Variants in ZNF385B observed in about 807,000 individuals in gnomAD.
The protein encoded by ZNF385B is zinc finger protein 533.
Under a neutral mutation model 39.2 loss-of-function variants are expected in ZNF385B, and 23 were observed. The ratio of observed to expected loss-of-function variants is 0.59; its 90% CI spans 0.42 to 0.83. The LOEUF is 0.83. Among genes scored for constraint, ZNF385B ranks in the 40% least tolerant of loss-of-function variants. ZNF385B has a pLI of 0.00. For missense variants in ZNF385B, 552 were observed against 598.9 expected (o/e 0.92, Z 0.82); for synonymous variants, 205 against 222.6 (o/e 0.92, Z 0.70).
intron 3 of ZNF385B, among the ~76,000 whole-genome samples, chr2:179,633,055 T>C (rs1691390113): frequency 1.3e-5 from 2 of 152,324 alleles, no homozygotes; most frequent in South Asian, 4.1e-4. Context: ...ATTGAGGTAA[T>C]AATTGATAGC....
At chr2:179,774,797 T>A (rs1170840897) in intron 1 of ZNF385B, among the ~76,000 whole-genome samples, 1 of 152,236 alleles carries the variant, frequency 6.6e-6, no homozygotes, top group Non-Finnish European at 1.5e-5. Context: ...AAATCCCAAC[T>A]GTTTAGGACA....
intron 3 of ZNF385B, among the ~76,000 whole-genome samples, chr2:179,605,860 C>T (rs748950481): frequency 1.3e-5 from 2 of 152,050 alleles, no homozygotes; most frequent in Non-Finnish European, 2.9e-5. Context: ...AGGCAGTAGA[C>T]ACAATGAGAA....
chr2:179,458,369 GC>G lies in ZNF385B; in HGVS notation c.716-11600del, dbSNP rs1164056184. 7.1e-4 allele frequency among the ~76,000 whole-genome samples: 108 copies of G among 152,260 alleles called. 1 individual carries two copies. Among genetic ancestry groups the G allele is most frequent in the African/African-American group, 2.6e-3 (106 of 41,548 alleles). ...CATGACTTGCTCCTCCTTGCCTTCTGCCATGATTGTGAGTCCTCTCCAGCCA... is the reference window on the plus strand; with the variant it reads ...CATGACTTGCTCCTCCTTGCCTTCTGCATGATTGTGAGTCCTCTCCAGCCA... On this transcript the variant is annotated intron_variant, in intron 6 of 9. Coordinates refer to ENST00000410066, the MANE Select transcript of ZNF385B (RefSeq NM_152520.6).
chr2:179,505,470 T>A (rs1438955032), intron 5 of ZNF385B, among the ~76,000 whole-genome samples: 5 of 152,072 alleles, frequency 3.3e-5, no homozygotes, highest in African/African-American at 1.2e-4. Flanking sequence ...GCCAAAAAAA[T>A]TCATGACATA....
intron 1 of ZNF385B, among the ~76,000 whole-genome samples, chr2:179,780,672 T>A (rs1453259050): frequency 6.6e-6 from 1 of 152,210 alleles, no homozygotes; most frequent in African/African-American, 2.4e-5. Flanking sequence ...AAATTTTTTA[T>A]TCCAAACATC....
Position 179,806,791 on chromosome 2 carries a change from C to T in ZNF385B, c.-154-36119G>A, listed in dbSNP as rs138216339. 3.9e-5 allele frequency among the ~76,000 whole-genome samples: 6 copies of T among 152,290 alleles called. No individual in the cohort carries two copies. In the East Asian group the frequency reaches 1.2e-3, roughly 29 times the overall value. On this transcript the variant is annotated intron_variant, in intron 1 of 9. Coordinates refer to ENST00000410066, the MANE Select transcript of ZNF385B (RefSeq NM_152520.6). ...AGTTATCTGGCTTTTACATCCAGCT[C>T]TTAACCCAATACTATTATTGCCTCC...
rs1197942248 is a variant in ZNF385B, at chr2:179,779,989, T to C, written c.-154-9317A>G. 6.6e-5 allele frequency among the ~76,000 whole-genome samples: 10 copies of C among 152,128 alleles called. 1 individual carries two copies. In the South Asian group the frequency reaches 2.1e-3, roughly 31 times the overall value. On this transcript the variant is annotated intron_variant, in intron 1 of 9. Transcript: ENST00000410066. ...ATTCCCATCTCTAGAGATTCTGATT[T>C]AATTGGTCTGCTGCTGGGGTTGGAG...
intron 3 of ZNF385B, among the ~76,000 whole-genome samples, chr2:179,654,563 TA>T (rs2106256823): frequency 6.6e-6 from 1 of 152,276 alleles, no homozygotes; most frequent in Non-Finnish European, 1.5e-5. Flanking sequence ...TTAACTAAAA[TA>T]AATAGGAATG....
chr2:179,459,694 AAAT>A (rs2051102597), intron 6 of ZNF385B, among the ~76,000 whole-genome samples: 1 of 151,210 alleles, frequency 6.6e-6, no homozygotes, highest in East Asian at 1.9e-4. Context: ...TCTATTTATT[AAAT>A]AAAAAATGTG....
chr2:179,652,251 G>A (rs773401135), intron 3 of ZNF385B, among the ~76,000 whole-genome samples: 6 of 152,104 alleles, frequency 3.9e-5, no homozygotes, highest in Admixed American at 1.3e-4. Flanking sequence ...AATGAGTATG[G>A]TTCTAAAGTA....
intron 1 of ZNF385B, among the ~76,000 whole-genome samples, chr2:179,771,303 A>G (rs1575460945): frequency 6.6e-6 from 1 of 152,212 alleles, no homozygotes; most frequent in Admixed American, 6.5e-5. Context: ...AATTCGGAAA[A>G]GGTATGACCA....
chr2:179,572,805 T>C (rs1185758893), intron 3 of ZNF385B, among the ~76,000 whole-genome samples: 2 of 152,104 alleles, frequency 1.3e-5, no homozygotes, highest in East Asian at 3.9e-4. Flanking sequence ...GCCTGTGTGC[T>C]AGACTGTATG....
intron 3 of ZNF385B, among the ~76,000 whole-genome samples, chr2:179,730,278 A>G (rs983152969): frequency 1.3e-5 from 2 of 152,136 alleles, no homozygotes; most frequent in African/African-American, 4.8e-5. Context: ...TATTACCACC[A>G]CCTGTGAAGA....
rs145452946 is a variant in ZNF385B at position 179,639,495 on chromosome 2, C to T, written c.299-94526G>A. Among the ~76,000 whole-genome samples, 416 of 151,924 alleles carry T rather than the reference C, an allele frequency of 2.7e-3. 3 individuals carry two copies. The highest frequency in any genetic ancestry group is 9.4e-3 in the African/African-American group (389 of 41,442). On this transcript the variant is annotated intron_variant, in intron 3 of 9. Transcript: ENST00000410066. ...ATCATTTCACAATGTATACAGATAT[C>T]AAAATATAATATTGTACAAGTTACT...
intron 6 of ZNF385B, among the ~76,000 whole-genome samples, chr2:179,470,939 T>C (rs1043608401): frequency 3.3e-5 from 5 of 152,322 alleles, no homozygotes; most frequent in Middle Eastern, 6.8e-3. Flanking sequence ...AGAGCTTGAC[T>C]TGTAACCATA....
At chr2:179,444,648 CT>C (rs1310320364) in intron 9 of ZNF385B, among the ~76,000 whole-genome samples, 3 of 152,188 alleles carry the variant, frequency 2.0e-5, no homozygotes, top group Admixed American at 2.0e-4. Context: ...TTGAAAACAA[CT>C]TGGTAAAGAG....
intron 1 of ZNF385B, among the ~76,000 whole-genome samples, chr2:179,803,529 CTT>C (rs1333995231): frequency 6.6e-6 from 1 of 152,084 alleles, no homozygotes; most frequent in African/African-American, 2.4e-5. Context: ...GACCAATTCT[CTT>C]GTCTAATTAA....
At chr2:179,502,474 T>C (rs1198767907) in intron 5 of ZNF385B, among the ~76,000 whole-genome samples, 2 of 152,164 alleles carry the variant, frequency 1.3e-5, no homozygotes, top group African/African-American at 2.4e-5. Context: ...GCTGTTCTTA[T>C]GTTAGAGTTC....
chr2:179,576,334 A>G (rs1233201663), intron 3 of ZNF385B: 4 of 257,020 alleles, frequency 1.6e-5, no homozygotes, highest in African/African-American at 2.3e-5. Context: ...TATCCATTTG[A>G]CACATATGTC....
Sources: allele counts gnomAD v4.1 joint callset (sites outside exome capture counted in the v4.1 genomes callset), GRCh38; gene constraint gnomAD v4.1.1; transcripts MANE v1.5; gene names NCBI Gene and HGNC (gene_info 2026-07-23, HGNC 2026-07-21).